Variants in ASCC3 observed in about 807,000 individuals in gnomAD.
ASCC3 encodes the protein activating signal cointegrator 1 complex subunit 3.
ASCC3 carries 158 observed loss-of-function variants against 256.3 expected under a neutral mutation model. That is an observed-to-expected ratio of 0.62 (90% CI 0.54 to 0.70). ASCC3 has a LOEUF of 0.70. Among genes scored for constraint, ASCC3 ranks in the 30% least tolerant of loss-of-function variants. ASCC3 has a pLI of 0.00. For missense variants in ASCC3, 2,259 were observed against 2,626.0 expected (o/e 0.86, Z 3.05); for synonymous variants, 948 against 883.4 (o/e 1.07, Z -1.30).
chr6:100,831,767 A>C (rs1220559658), intron 4 of ASCC3, among the ~76,000 whole-genome samples: 1 of 152,182 alleles, frequency 6.6e-6, no homozygotes, highest in African/African-American at 2.4e-5. Flanking sequence ...CAAAATCATC[A>C]ATGAAACATA....
At chr6:100,748,921 CAA>C (rs1369642152) in intron 10 of ASCC3, among the ~76,000 whole-genome samples, 1 of 151,724 alleles carries the variant, frequency 6.6e-6, no homozygotes, top group Non-Finnish European at 1.5e-5. Context: ...GCAGAAAAGA[CAA>C]AGAACACTTT....
chr6:100,530,910 C>A, intron 37 of ASCC3: 1 of 1,293,794 alleles, frequency 7.7e-7, no homozygotes, highest in South Asian at 1.2e-5. Flanking sequence ...CCAAAAGACA[C>A]TTGGAATCTT....
Position 100,825,399 on chromosome 6 carries a change from T to C in ASCC3, c.802-19519A>G, listed in dbSNP as rs1006100086. Among the ~76,000 whole-genome samples, 9 of 152,242 alleles carry C rather than the reference T, an allele frequency of 5.9e-5. No homozygotes were observed. In the East Asian group the frequency reaches 1.7e-3, roughly 29 times the overall value. On this transcript the variant is annotated intron_variant, in intron 4 of 41. Transcript: ENST00000369162. ...CAACAACTTCTTACTACTACTCTTA[T>C]AACTTGGTTTCTAATGATTCTTCAT... is the stretch of plus-strand genomic sequence containing the variant.
chr6:100,626,628 A>T (rs1774251283), intron 29 of ASCC3, among the ~76,000 whole-genome samples: 1 of 152,112 alleles, frequency 6.6e-6, no homozygotes, highest in South Asian at 2.1e-4. Context: ...AACAATATAT[A>T]TTATGAAAAA....
At chr6:100,651,048 AACCTCTGCCCAACTGG>A (rs1775643140) in intron 19 of ASCC3, among the ~76,000 whole-genome samples, 1 of 151,752 alleles carries the variant, frequency 6.6e-6, no homozygotes, top group Admixed American at 6.6e-5. Flanking sequence ...ACCAGAGTAA[AACCTCTGCCCAACTGG>A]ATTAGGGCAA....
chr6:100,675,132 T>TG (rs1776947089), intron 14 of ASCC3, among the ~76,000 whole-genome samples: 1 of 147,218 alleles, frequency 6.8e-6, no homozygotes, highest in African/African-American at 2.6e-5. Flanking sequence ...AAACAGTTGT[T>TG]TTTTTTTTTT....
chr6:100,572,130 TA>T (rs939661356), intron 36 of ASCC3, among the ~76,000 whole-genome samples: 12 of 152,172 alleles, frequency 7.9e-5, no homozygotes, highest in South Asian at 4.1e-4. Flanking sequence ...ATTAATATGT[TA>T]AACCTGAACT....
chr6:100,705,293 C>A (rs17060985), intron 13 of ASCC3, among the ~76,000 whole-genome samples: 2 of 151,936 alleles, frequency 1.3e-5, no homozygotes, highest in Non-Finnish European at 2.9e-5. Flanking sequence ...ATTAAGTACA[C>A]GAGCACGCAA....
At chr6:100,519,766 TCTTAA>T (rs1774209620) in intron 37 of ASCC3, among the ~76,000 whole-genome samples, 1 of 152,108 alleles carries the variant, frequency 6.6e-6, no homozygotes, top group Non-Finnish European at 1.5e-5. Flanking sequence ...AACCATATGT[TCTTAA>T]CTTTGAAGTT....
chr6:100,841,765 G>A (rs985304607), intron 4 of ASCC3, among the ~76,000 whole-genome samples: 2 of 152,070 alleles, frequency 1.3e-5, no homozygotes, highest in African/African-American at 4.8e-5. Context: ...TGATGCCTAT[G>A]ACTTTGTTGC....
intron 4 of ASCC3, 62 bp from the exon 5 acceptor site, chr6:100,805,942 A>G (rs1348379175): frequency 2.0e-6 from 3 of 1,526,284 alleles, no homozygotes; most frequent in Non-Finnish European, 2.7e-6. Flanking sequence ...TTTTCAAGTT[A>G]TTAACAACCT....
chr6:100,730,378 A>C (rs1419620486), intron 10 of ASCC3, among the ~76,000 whole-genome samples: 1 of 152,152 alleles, frequency 6.6e-6, no homozygotes, highest in Non-Finnish European at 1.5e-5. Context: ...AATTGATAAA[A>C]TATGGTACAT....
At chr6:100,567,631 C>T (rs1046548217) in intron 36 of ASCC3, among the ~76,000 whole-genome samples, 1 of 152,156 alleles carries the variant, frequency 6.6e-6, no homozygotes, top group Admixed American at 6.5e-5. Flanking sequence ...CTGTTTAGCT[C>T]CCACTTATAG....
chr6:100,691,089 A>G (rs1777824868), intron 13 of ASCC3, among the ~76,000 whole-genome samples: 1 of 152,142 alleles, frequency 6.6e-6, no homozygotes, highest in Non-Finnish European at 1.5e-5. Flanking sequence ...ATTAAAAAGT[A>G]TAATTTAAAA....
At chr6:100,790,028 G>T (rs746474171) in intron 8 of ASCC3, among the ~76,000 whole-genome samples, 8 of 151,908 alleles carry the variant, frequency 5.3e-5, no homozygotes, top group Non-Finnish European at 1.0e-4. Context: ...GGGTTGACGT[G>T]ATGTGCCAGG....
At chr6:100,779,880 A>G (rs1782365915) in intron 8 of ASCC3, among the ~76,000 whole-genome samples, 2 of 152,158 alleles carry the variant, frequency 1.3e-5, no homozygotes, top group African/African-American at 4.8e-5. Context: ...AGAACAATAG[A>G]AGACAAAATA....
intron 13 of ASCC3, among the ~76,000 whole-genome samples, chr6:100,710,375 C>A (rs1778805735): frequency 6.6e-6 from 1 of 152,176 alleles, no homozygotes; most frequent in Non-Finnish European, 1.5e-5. Flanking sequence ...CTGAAGACTT[C>A]TCTTGGGTAT....
At chr6:100,868,703 G>C (rs1190086007) in intron 1 of ASCC3, among the ~76,000 whole-genome samples, 1 of 152,114 alleles carries the variant, frequency 6.6e-6, no homozygotes, top group Non-Finnish European at 1.5e-5. Context: ...ATAGACAACA[G>C]AACCAGAATA....
chr6:100,725,832 G>A (rs1206990415), intron 10 of ASCC3, 129 bp from the exon 11 acceptor site: 2 of 867,308 alleles, frequency 2.3e-6, no homozygotes, highest in Admixed American at 2.2e-5. Context: ...GAATAGCCTA[G>A]AATTACATCT....
Sources: gnomAD v4.1 joint callset for allele counts (sites outside exome capture counted in the v4.1 genomes callset) on GRCh38, gnomAD v4.1.1 for gene constraint, MANE v1.5 for transcripts, NCBI Gene and HGNC (gene_info 2026-07-23, HGNC 2026-07-21) for gene names.